SLC4A4: variants seen among roughly 807,000 people sequenced by gnomAD.
SLC4A4 encodes electrogenic sodium bicarbonate cotransporter 1.
SLC4A4 carries 27 observed loss-of-function variants against 111.5 expected under a neutral mutation model. The ratio of observed to expected loss-of-function variants is 0.24; its 90% CI spans 0.18 to 0.33. The LOEUF is 0.33. SLC4A4 is among the 10% of genes least tolerant of loss of function. SLC4A4 has a pLI of 1.00. For synonymous variants in SLC4A4, 443 were observed against 463.4 expected (o/e 0.96, Z 0.57); for missense variants, 909 against 1,315.5 (o/e 0.69, Z 4.78).
chr4:71,406,109 A>G (rs940554119), intron 7 of SLC4A4, among the ~76,000 whole-genome samples: 2 of 152,060 alleles, frequency 1.3e-5, no homozygotes, highest in Admixed American at 6.6e-5. Context: ...GAGTTGGACA[A>G]GTGTTCCCTT....
chr4:71,439,189 G>A (rs987903309), intron 7 of SLC4A4, among the ~76,000 whole-genome samples: 3 of 151,710 alleles, frequency 2.0e-5, no homozygotes, highest in African/African-American at 7.3e-5. Flanking sequence ...AGCACTTTGG[G>A]AGGCTGAGGC....
chr4:71,564,326 A>G (rs1448768726), intron 24 of SLC4A4, among the ~76,000 whole-genome samples: 1 of 151,822 alleles, frequency 6.6e-6, no homozygotes, highest in Non-Finnish European at 1.5e-5. Flanking sequence ...ATCAATTGTT[A>G]ATATTGAGAA....
rs776317333 is a variant in SLC4A4 at position 71,453,541 on chromosome 4, T to C, written c.1369T>C (p.Phe457Leu). ...AGACATAAAGAGGAAAGCGCCATTT[T>C]TTGCCAGTGATTTTTATGATGCTTT... ...IKDIKRKAPFFASDFYDALNI... is the reference protein window; with the variant it reads ...IKDIKRKAPFLASDFYDALNI... The change falls in exon 12 of 26, where the codon TTT becomes CTT. Residue 457 changes from phenylalanine (F) to leucine (L), a missense_variant. Phe to Leu is a conservative substitution (Grantham distance 22). This residue lies in a region of SLC4A4 where 312 missense variants were observed against 402.0 expected (regional missense o/e 0.78). Transcript: ENST00000264485. 6.2e-7 allele frequency: 1 copy of C among 1,614,014 alleles called. No individual in the cohort carries two copies. The highest frequency in any genetic ancestry group is 2.2e-5 in the East Asian group (1 of 44,866).
At chr4:71,094,439 T>C in intron 2 of SLC4A4, among the ~76,000 whole-genome samples, 1 of 152,220 alleles carries the variant, frequency 6.6e-6, no homozygotes, top group East Asian at 1.9e-4. Flanking sequence ...ATAGGCCTCC[T>C]GCTTATTGTG....
At position 71,269,679 on chromosome 4, in the gene SLC4A4, T is replaced by C. The variant is rs568708816; in HGVS notation, c.253+14280T>C. Among the ~76,000 whole-genome samples, 3 of 152,364 alleles carry C rather than the reference T, an allele frequency of 2.0e-5. No homozygotes were observed. The South Asian group carries it at 6.2e-4, about 32-fold the overall frequency. The stretch of plus-strand genomic sequence containing the variant: ...TATAGACTTAATAAAGGCTGTCATG[T>C]CCATGATTATGTTTAATCCTCGTAA... On this transcript the variant is annotated intron_variant, in intron 3 of 25. Transcript: ENST00000264485.
intron 20 of SLC4A4, among the ~76,000 whole-genome samples, chr4:71,551,517 C>CA (rs2149242466): frequency 6.6e-6 from 1 of 151,938 alleles, no homozygotes; most frequent in South Asian, 2.1e-4. Flanking sequence ...ATGACACCTA[C>CA]AAAAAATTGT....
chr4:71,451,138 G>A (rs763650150), intron 10 of SLC4A4, 50 bp from the exon 11 acceptor site: 76 of 1,199,076 alleles, frequency 6.3e-5, no homozygotes, highest in Admixed American at 2.7e-4. Flanking sequence ...GCTAAGAAGC[G>A]AATGAATAAA....
Position 71,497,536 on chromosome 4 carries a change from G to A in SLC4A4, c.2010G>A (p.Ser670=), listed in dbSNP as rs147661107. 2.0e-4 allele frequency: 325 copies of A among 1,613,200 alleles called. 2 individuals are homozygous for A. The highest frequency in any genetic ancestry group is 1.8e-4 in the Non-Finnish European group (214 of 1,179,680). Residue 670 remains serine (S), a synonymous_variant, in exon 16 of 26, where the codon TCG becomes TCA. Transcript: ENST00000264485. ...CTACCTTTGACTGGGCATTTTTGTC[G>A]AAGAAGGAGTGTTCAAAATACGGAG... ...HNTTFDWAFL[S]KKECSKYGGN...
intron 7 of SLC4A4, among the ~76,000 whole-genome samples, chr4:71,404,005 C>T (rs904331159): frequency 6.6e-6 from 1 of 152,086 alleles, no homozygotes; most frequent in Non-Finnish European, 1.5e-5. Flanking sequence ...TCTTCTGTGC[C>T]ATAGAAATAT....
At chr4:71,497,324 C>T (rs1449985055) in intron 15 of SLC4A4, among the ~76,000 whole-genome samples, 177 bp from the exon 16 acceptor site, 2 of 152,092 alleles carry the variant, frequency 1.3e-5, no homozygotes, top group Non-Finnish European at 2.9e-5. Flanking sequence ...TTGCCACCCT[C>T]TTGGCCCATC....
At chr4:71,192,638 C>CT (rs1745782396) in intron 1 of SLC4A4, among the ~76,000 whole-genome samples, 1 of 152,124 alleles carries the variant, frequency 6.6e-6, no homozygotes, top group Non-Finnish European at 1.5e-5. Context: ...CCCCTTCTCC[C>CT]TCCCCCACTT....
At chr4:71,312,754 G>T (rs1386856335) in intron 3 of SLC4A4, among the ~76,000 whole-genome samples, 2 of 152,098 alleles carry the variant, frequency 1.3e-5, no homozygotes, top group African/African-American at 2.4e-5. Context: ...AATAAAGTAG[G>T]TATCGATGGG....
intron 3 of SLC4A4, among the ~76,000 whole-genome samples, chr4:71,296,551 C>T (rs1407990906): frequency 6.6e-6 from 1 of 151,922 alleles, no homozygotes; most frequent in African/African-American, 2.4e-5. Flanking sequence ...ACCATTGGTA[C>T]TTTTTTTATA....
intron 16 of SLC4A4, among the ~76,000 whole-genome samples, chr4:71,523,166 G>A (rs9686018): frequency 0.56 from 84,331 of 151,598 alleles, 27,272 homozygotes; most frequent in Non-Finnish European, 0.74. Context: ...GAAATAATGG[G>A]CATGTATTAT....
chr4:71,528,800 A>G (rs550956095), intron 16 of SLC4A4, among the ~76,000 whole-genome samples: 1 of 152,064 alleles, frequency 6.6e-6, no homozygotes, highest in Non-Finnish European at 1.5e-5. Context: ...AATGAAATAG[A>G]ATAAAAGTGG....
At chr4:71,358,256 A>C (rs1212941458) in intron 6 of SLC4A4, among the ~76,000 whole-genome samples, 1 of 151,638 alleles carries the variant, frequency 6.6e-6, no homozygotes, top group African/African-American at 2.4e-5. Context: ...GGGAGGTTGC[A>C]GTGAGCCAAG....
rs1333190432 is a variant in SLC4A4 at position 71,318,805 on chromosome 4, G to A, written c.254-20565G>A. Among the ~76,000 whole-genome samples the A allele has an allele frequency of 4.0e-5, 6 of 148,172 alleles. No homozygotes were observed. The South Asian group carries it at 1.3e-3, about 32-fold the overall frequency. ...AGTCTGTAAAAATATTTAGGTTCTT[G>A]TTCTGAAAAATTAAGTTTTTTTTTT... On this transcript the variant is annotated intron_variant, in intron 3 of 25. Coordinates refer to ENST00000264485, the MANE Select transcript of SLC4A4 (RefSeq NM_001098484.3).
At chr4:71,364,477 C>G (rs1731066568) in intron 6 of SLC4A4, among the ~76,000 whole-genome samples, 2 of 152,128 alleles carry the variant, frequency 1.3e-5, no homozygotes, top group Non-Finnish European at 2.9e-5. Context: ...TTATTGCTCA[C>G]AATTCTGGAG....
chr4:71,370,725 C>G (rs995694790), intron 6 of SLC4A4, among the ~76,000 whole-genome samples: 1 of 152,174 alleles, frequency 6.6e-6, no homozygotes, highest in Non-Finnish European at 1.5e-5. Flanking sequence ...ATAGAAATTG[C>G]TCAAGAAATT....
Sources: allele counts gnomAD v4.1 joint callset (sites outside exome capture counted in the v4.1 genomes callset), GRCh38; gene constraint gnomAD v4.1.1; regional missense constraint gnomAD v4.1.1; transcripts MANE v1.5; gene names NCBI Gene and HGNC (gene_info 2026-07-23, HGNC 2026-07-21).